Variants in COL20A1 observed in about 807,000 individuals in gnomAD.
COL20A1 encodes collagen type XX alpha 1 chain, also known as collagen alpha-1(XX) chain.
A neutral mutation model predicts 152.9 loss-of-function variants in COL20A1; 164 were observed. That is an observed-to-expected ratio of 1.07 (90% CI 0.94 to 1.22). The LOEUF is 1.22. COL20A1 is among the 50% of genes most tolerant of loss of function. COL20A1 has a pLI of 0.00. For missense variants in COL20A1, 1,873 were observed against 1,744.8 expected (o/e 1.07, Z -1.31); for synonymous variants, 864 against 756.0 (o/e 1.14, Z -2.34).
In COL20A1 at chr20:63,313,667, G is replaced by C. The variant is rs1162959408; in HGVS notation, c.2210-76G>C. ...TTACGCAGAGCAGGGTAGGGGCTGGGCAGCTGGTCCTCTGGCCACCGGGTG... is the reference window on the plus strand; with the variant it reads ...TTACGCAGAGCAGGGTAGGGGCTGGCCAGCTGGTCCTCTGGCCACCGGGTG... On this transcript the variant is annotated intron_variant, in intron 17 of 35. Coordinates refer to ENST00000358894, the MANE Select transcript of COL20A1 (RefSeq NM_020882.4). This position sits in a 1 kb window ranked among gnomAD's most constrained non-coding sequence, Gnocchi z 5.9. The C allele has an allele frequency of 7.2e-7, 1 of 1,391,944 alleles. No individual in the cohort carries two copies. 86.2% of individuals were successfully genotyped at this position (1,391,944 alleles called of 1,614,324 possible).
intron 3 of COL20A1, among the ~76,000 whole-genome samples, chr20:63,304,408 C>G (rs2067897482): frequency 7.2e-6 from 1 of 138,654 alleles, no homozygotes. Flanking sequence ...TTCCTCCCTC[C>G]CTTCCTCCCT....
intron 20 of COL20A1, 59 bp downstream of exon 20, chr20:63,315,498 G>A: frequency 6.8e-7 from 1 of 1,464,242 alleles, no homozygotes. Flanking sequence ...CTCTTCCTGG[G>A]CGTGGGGGCC....
Position 63,298,066 on chromosome 20 carries a change from C to T in COL20A1, c.193+46C>T, listed in dbSNP as rs138784279. The T allele has an allele frequency of 1.2e-3, 1,671 of 1,374,590 alleles. 21 individuals are homozygous for T. The African/African-American group carries it at 0.02, about 16-fold the overall frequency. The allele number at this position is 1,374,590 out of a possible 1,614,324, so 85.1% of individuals were successfully genotyped here. A position where few individuals can be genotyped will look rare whatever the true frequency, so the allele number is the denominator to read the frequency against. On this transcript the variant is annotated intron_variant, in intron 3 of 35. Coordinates refer to ENST00000358894, the MANE Select transcript of COL20A1 (RefSeq NM_020882.4). ...GGCCCCCTTCCCCATTAGCACGTGC[C>T]GAGGACAGTCAGTGTGGTGGCCGCA... is the stretch of plus-strand genomic sequence containing the variant.
chr20:63,320,151 TG>T lies in COL20A1; in HGVS notation c.3033del (p.Arg1012GlyfsTer125). The T allele has an allele frequency of 6.4e-7, 1 of 1,552,494 alleles. No individual in the cohort carries two copies. On this transcript the variant is annotated frameshift_variant, in exon 24 of 36. Coordinates refer to ENST00000358894, the MANE Select transcript of COL20A1 (RefSeq NM_020882.4). LOFTEE classifies it high-confidence loss of function. ...GSPPAAGFVTLGRLAKARGPR... is the reference protein window; with the variant it reads ...GSPPAAGFVTXGRLAKARGPR... ...CCACCCGCTGCGGGCTTCGTCACGCTGGGGAGGCTGGCCAAGGCCAGGGGCC... is the reference window on the plus strand; with the variant it reads ...CCACCCGCTGCGGGCTTCGTCACGCTGGGAGGCTGGCCAAGGCCAGGGGCC...
At chr20:63,304,470 G>C (rs1458633328) in intron 3 of COL20A1, among the ~76,000 whole-genome samples, 4 of 116,434 alleles carry the variant, frequency 3.4e-5, no homozygotes, top group Non-Finnish European at 3.6e-5. Context: ...CAGGTGTGCA[G>C]GTGTGGGTTC....
chr20:63,325,652 C>T lies in COL20A1; in HGVS notation c.3349-16C>T, dbSNP rs549867250. 6.2e-6 allele frequency: 10 copies of T among 1,604,416 alleles called. No individual in the cohort carries two copies. The Admixed American group carries it at 1.2e-4, about 19-fold the overall frequency. ...ACCCTGGCCCCTGCCTGGCCGGCCC[C>T]TCTGTTCTCTCCCAGGGCCACCCCG... On this transcript the variant is annotated splice_polypyrimidine_tract_variant and intron_variant, in intron 28 of 35. Transcript: ENST00000358894.
chr20:63,319,171 T>A lies in COL20A1; in HGVS notation c.2777T>A (p.Phe926Tyr). The change falls in exon 22 of 36, where the codon TTC becomes TAC. Residue 926 changes from phenylalanine to tyrosine, a missense_variant. Coordinates refer to ENST00000358894, the MANE Select transcript of COL20A1 (RefSeq NM_020882.4). This position sits in a 1 kb window ranked among gnomAD's most constrained non-coding sequence, Gnocchi z 4.4. ...FALWQMTAED[F>Y]QPLLGVLLDA... Reference sequence around the variant, plus strand: ...CTGTGGCAGATGACAGCCGAGGACTTCCAGCCCCTCCTTGGGGTTCTGCTG... The same window carrying A: ...CTGTGGCAGATGACAGCCGAGGACTACCAGCCCCTCCTTGGGGTTCTGCTG... 6.2e-7 allele frequency: 1 copy of A among 1,612,694 alleles called. No individual in the cohort carries two copies. Among genetic ancestry groups the A allele is most frequent in the Non-Finnish European group, 8.5e-7 (1 of 1,179,702 alleles).
chr20:63,320,387 C>T lies in COL20A1; in HGVS notation c.3153+19C>T. The T allele has an allele frequency of 1.2e-6, 2 of 1,609,118 alleles. No homozygotes were observed. Among genetic ancestry groups the T allele is most frequent in the Non-Finnish European group, 1.7e-6 (2 of 1,179,084 alleles). On this transcript the variant is annotated intron_variant, in intron 25 of 35. Transcript: ENST00000358894. ...TGCCTCGGTGTGCCCCGTCCCTTGCCCCTGTTCCACGAAGCAAGTTAGGGC... is the reference window on the plus strand; with the variant it reads ...TGCCTCGGTGTGCCCCGTCCCTTGCTCCTGTTCCACGAAGCAAGTTAGGGC...
intron 29 of COL20A1, 129 bp downstream of exon 29, chr20:63,325,850 C>G (rs2068239206): frequency 1.2e-6 from 1 of 861,686 alleles, no homozygotes; most frequent in African/African-American, 1.7e-5. Flanking sequence ...GCCTCACCTG[C>G]TGCACCACCC....
intron 3 of COL20A1, among the ~76,000 whole-genome samples, chr20:63,303,305 G>C (rs74827289): frequency 0.069 from 10,483 of 152,228 alleles, 387 homozygotes; most frequent in South Asian, 0.11. Flanking sequence ...AAGTGATTCT[G>C]CCACCTCAGC....
rs2068243452 is a variant in COL20A1, at chr20:63,326,114, G to A, written c.3421G>A (p.Gly1141Arg). 1 of 1,612,738 alleles carries A rather than the reference G, an allele frequency of 6.2e-7. No homozygotes were observed. The highest frequency in any genetic ancestry group is 1.3e-5 in the African/African-American group (1 of 74,994). ...CCATCAGGGAATGAGAGGCCTGGAG[G>A]GAACTGCTGGCCTGCCTGGACCCCC... ...QGPKGMRGLEGTAGLPGPPGP... is the reference protein window; with the variant it reads ...QGPKGMRGLERTAGLPGPPGP... The change falls in exon 30 of 36, where the codon GGA becomes AGA. Residue 1141 changes from glycine to arginine, a missense_variant. By Grantham distance (125) the Gly-to-Arg change is moderately radical. Transcript: ENST00000358894.
chr20:63,326,830 G>A lies in COL20A1; in HGVS notation c.3528+7G>A. Reference sequence around the variant, plus strand: ...AGGGACCGTGGGGCCCACAGTAAGTGCATTTCCAACACCCACCAGCCAACC... The same window carrying A: ...AGGGACCGTGGGGCCCACAGTAAGTACATTTCCAACACCCACCAGCCAACC... On this transcript the variant is annotated splice_region_variant and intron_variant, in intron 31 of 35. Coordinates refer to ENST00000358894, the MANE Select transcript of COL20A1 (RefSeq NM_020882.4). 6.7e-7 allele frequency: 1 copy of A among 1,495,552 alleles called. No homozygotes were observed. Among genetic ancestry groups the A allele is most frequent in the Non-Finnish European group, 8.8e-7 (1 of 1,133,694 alleles). 92.6% of individuals were successfully genotyped at this position (1,495,552 alleles called of 1,614,324 possible).
chr20:63,294,022 GTAGGGGCCCGGCCTGC>G (rs1324510773), intron 1 of COL20A1, among the ~76,000 whole-genome samples: 1 of 143,560 alleles, frequency 7.0e-6, no homozygotes, highest in Non-Finnish European at 1.5e-5. Flanking sequence ...GCACAGAGGG[GTAGGGGCCCGGCCTGC>G]CGGGAGTGCT....
chr20:63,301,133 G>A (rs1463770237), intron 3 of COL20A1, among the ~76,000 whole-genome samples: 1 of 152,122 alleles, frequency 6.6e-6, no homozygotes, highest in Non-Finnish European at 1.5e-5. Context: ...TGTCCAACAT[G>A]GCAAAACCCC....
In COL20A1 at chr20:63,327,946, C is replaced by T; in HGVS notation, c.3529-6C>T. On this transcript the variant is annotated splice_region_variant and splice_polypyrimidine_tract_variant and intron_variant, in intron 31 of 35. Coordinates refer to ENST00000358894, the MANE Select transcript of COL20A1 (RefSeq NM_020882.4). The stretch of plus-strand genomic sequence containing the variant: ...CTGACTTCTTTTCTCTTCCCCTCCT[C>T]ATCAGGGACTGCCAGGGCCCAAAGG... The T allele has an allele frequency of 6.3e-7, 1 of 1,596,806 alleles. No homozygotes were observed. Among genetic ancestry groups the T allele is most frequent in the Non-Finnish European group, 8.5e-7 (1 of 1,171,066 alleles).
In COL20A1 at chr20:63,328,075, C is replaced by G. The variant is rs779671829; in HGVS notation, c.3565-4C>G. On this transcript the variant is annotated splice_region_variant and splice_polypyrimidine_tract_variant and intron_variant, in intron 32 of 35. Coordinates refer to ENST00000358894, the MANE Select transcript of COL20A1 (RefSeq NM_020882.4). ...TCCCAAAGCTGCACCACCTTCCCTT[C>G]CAGGGCGAGCCGCAGTCCCTTGCCA... 1.2e-6 allele frequency: 2 copies of G among 1,613,304 alleles called. No homozygotes were observed. The highest frequency in any genetic ancestry group is 2.7e-5 in the African/African-American group (2 of 75,032).
chr20:63,297,162 C>T (rs184805831), intron 2 of COL20A1, among the ~76,000 whole-genome samples: 198 of 152,348 alleles, frequency 1.3e-3, no homozygotes, highest in African/African-American at 4.4e-3. Context: ...CCCACTGAGG[C>T]GGCACGTGCA....
chr20:63,315,365 G>C, intron 19 of COL20A1, 39 bp from the exon 20 acceptor site: 1 of 1,551,088 alleles, frequency 6.4e-7, no homozygotes, highest in East Asian at 2.4e-5. Context: ...TGGAGGCTGG[G>C]CCGCTCCCAC....
chr20:63,307,611 C>T lies in COL20A1; in HGVS notation c.618C>T (p.Ile206=), dbSNP rs372458260. The change falls in exon 6 of 36, where the codon ATC becomes ATT. Residue 206 remains isoleucine (I), a synonymous_variant. Transcript: ENST00000358894. The stretch of plus-strand genomic sequence containing the variant: ...TCAAGGACTTCCTGGCCAGTGTCAT[C>T]GCACCCTTTGAAATCGGGCCGGATA... ...QQVKDFLASV[I]APFEIGPDKV... 1.5e-4 allele frequency: 240 copies of T among 1,612,476 alleles called. No homozygotes were observed. Among genetic ancestry groups the T allele is most frequent in the Non-Finnish European group, 1.9e-4 (222 of 1,179,718 alleles).
Sources: gnomAD v4.1 joint callset for allele counts (sites outside exome capture counted in the v4.1 genomes callset) on GRCh38, gnomAD v4.1.1 for gene constraint, Gnocchi (gnomAD v3.1) non-coding constraint, MANE v1.5 for transcripts, NCBI Gene and HGNC (gene_info 2026-07-23, HGNC 2026-07-21) for gene names.